NAALADL2: variants seen among roughly 807,000 people sequenced by gnomAD.
NAALADL2 encodes the protein N-acetylated alpha-linked acidic dipeptidase like 2.
NAALADL2 carries 76 observed loss-of-function variants against 87.2 expected under a neutral mutation model. The ratio of observed to expected loss-of-function variants is 0.87; its 90% confidence interval spans 0.72 to 1.05. The LOEUF is 1.05. NAALADL2 is among the 50% of genes least tolerant of loss of function. The pLI is 0.00. For missense variants in NAALADL2, 1,089 were observed against 945.8 expected (o/e 1.15, Z -1.99); for synonymous variants, 354 against 331.0 (o/e 1.07, Z -0.75).
At chr3:174,905,871 A>G (rs758060728) in intron 1 of NAALADL2, among the ~76,000 whole-genome samples, 4 of 152,106 alleles carry the variant, frequency 2.6e-5, no homozygotes, top group Admixed American at 6.6e-5. Context: ...TAAGAAATCT[A>G]TGCCCATCAC....
chr3:175,384,872 T>G (rs893903334), intron 5 of NAALADL2, among the ~76,000 whole-genome samples: 1 of 151,916 alleles, frequency 6.6e-6, no homozygotes, highest in Non-Finnish European at 1.5e-5. Context: ...TTCCAGAAAT[T>G]AAGAATAAGT....
intron 1 of NAALADL2, among the ~76,000 whole-genome samples, chr3:174,877,877 A>C (rs1272017824): frequency 6.6e-6 from 1 of 152,092 alleles, no homozygotes; most frequent in Non-Finnish European, 1.5e-5. Context: ...TAAGATAGCA[A>C]ATTCCTTACA....
intron 2 of NAALADL2, among the ~76,000 whole-genome samples, chr3:174,734,080 AT>A (rs1418330762): frequency 6.6e-6 from 1 of 152,024 alleles, no homozygotes; most frequent in Admixed American, 6.5e-5. Flanking sequence ...TCACTTTTTC[AT>A]TTTCGGTGTT....
chr3:175,244,601 A>G (rs373951375), intron 3 of NAALADL2, among the ~76,000 whole-genome samples: 1 of 152,290 alleles, frequency 6.6e-6, no homozygotes, highest in South Asian at 2.1e-4. Flanking sequence ...ATAAAAATGC[A>G]TAACTTTTTA....
intron 5 of NAALADL2, among the ~76,000 whole-genome samples, chr3:175,343,451 T>G (rs1762772240): frequency 6.6e-6 from 1 of 151,982 alleles, no homozygotes; most frequent in Admixed American, 6.6e-5. Context: ...TTAAAAAACT[T>G]TCTGAATTGT....
intron 5 of NAALADL2, among the ~76,000 whole-genome samples, chr3:175,445,096 T>C (rs139442031): frequency 6.6e-6 from 1 of 152,220 alleles, no homozygotes; most frequent in African/African-American, 2.4e-5. Context: ...CTGAAAAATA[T>C]AGCACTGCAT....
chr3:174,488,482 T>A (rs1253895828), intron 1 of NAALADL2, among the ~76,000 whole-genome samples: 1 of 152,092 alleles, frequency 6.6e-6, no homozygotes, highest in African/African-American at 2.4e-5. Context: ...TACTTCTTAG[T>A]TGTAGGCACT....
intron 3 of NAALADL2, among the ~76,000 whole-genome samples, chr3:174,814,612 T>G (rs1579044429): frequency 6.6e-6 from 1 of 152,134 alleles, no homozygotes; most frequent in African/African-American, 2.4e-5. Flanking sequence ...CATGAAATAA[T>G]TAATATCAAA....
At chr3:174,703,994 CTACTT>C (rs1729823914) in intron 2 of NAALADL2, among the ~76,000 whole-genome samples, 1 of 152,122 alleles carries the variant, frequency 6.6e-6, no homozygotes, top group Non-Finnish European at 1.5e-5. Context: ...AAAGGAGAAT[CTACTT>C]TATCTATCAG....
At chr3:174,800,901 C>G (rs1196417889) in intron 3 of NAALADL2, among the ~76,000 whole-genome samples, 1 of 152,198 alleles carries the variant, frequency 6.6e-6, no homozygotes, top group Admixed American at 6.5e-5. Flanking sequence ...TATGGACTTG[C>G]ATGGGGCTTG....
At chr3:175,358,948 A>T (rs918189314) in intron 5 of NAALADL2, among the ~76,000 whole-genome samples, 1 of 152,144 alleles carries the variant, frequency 6.6e-6, no homozygotes, top group African/African-American at 2.4e-5. Flanking sequence ...AATGGAAAGG[A>T]CTGTGAAAAT....
At chr3:175,454,718 TTTATTTGGCA>T (rs1355094644) in intron 6 of NAALADL2, among the ~76,000 whole-genome samples, 7 of 152,118 alleles carry the variant, frequency 4.6e-5, no homozygotes, top group Admixed American at 3.3e-4. Flanking sequence ...TGTTTTGTAT[TTTATTTGGCA>T]TTATAAGTTA....
At chr3:174,802,731 T>A (rs1489856460) in intron 3 of NAALADL2, among the ~76,000 whole-genome samples, 3 of 152,322 alleles carry the variant, frequency 2.0e-5, no homozygotes, top group African/African-American at 7.2e-5. Flanking sequence ...GAACATGCAG[T>A]GTTTTGTTTT....
intron 1 of NAALADL2, among the ~76,000 whole-genome samples, chr3:174,982,185 G>A (rs1408267922): frequency 1.3e-5 from 2 of 152,132 alleles, no homozygotes; most frequent in Non-Finnish European, 2.9e-5. Context: ...GCAGTTTTTA[G>A]ATAGTCTGGT....
chr3:175,755,275 T>C lies in NAALADL2; in HGVS notation c.2046T>C (p.Ser682=). 1 of 1,613,180 alleles carries C rather than the reference T, an allele frequency of 6.2e-7. No individual in the cohort carries two copies. Among genetic ancestry groups the C allele is most frequent in the Non-Finnish European group, 8.5e-7 (1 of 1,179,656 alleles). The change falls in exon 13 of 14, where the codon AGT becomes AGC. Residue 682 remains serine, a synonymous_variant. Coordinates refer to ENST00000454872, the MANE Select transcript of NAALADL2 (RefSeq NM_207015.3). ...LLAMALRLRE[S]AELFQSDEMR... ...CCATGGCGTTACGCCTGCGGGAGAG[T>C]GCTGAACTTTTTCAGTCTGATGAGA... is the stretch of plus-strand genomic sequence containing the variant.
At chr3:175,074,042 C>G (rs893525416) in intron 1 of NAALADL2, among the ~76,000 whole-genome samples, 1 of 151,950 alleles carries the variant, frequency 6.6e-6, no homozygotes, top group African/African-American at 2.4e-5. Flanking sequence ...GAAGTGAGTT[C>G]CATAAGGGTG....
In NAALADL2 at chr3:175,174,841, C is replaced by T. The variant is rs1032473919; in HGVS notation, c.546-59090C>T. 6.3e-3 allele frequency among the ~76,000 whole-genome samples: 471 copies of T among 74,962 alleles called. 3 individuals are homozygous for T. Among genetic ancestry groups the T allele is most frequent in the African/African-American group, 0.014 (435 of 30,766 alleles). 49.2% of individuals were successfully genotyped at this position (74,962 alleles called of 152,430 possible). A position where few individuals can be genotyped will look rare whatever the true frequency, so the allele number is the denominator to read the frequency against. On this transcript the variant is annotated intron_variant, in intron 2 of 13. Transcript: ENST00000454872. ...ATATGTATACACACACACATGCACA[C>T]AGACACACACACACACACACACATA...
chr3:174,818,083 G>C (rs370568327), intron 3 of NAALADL2, among the ~76,000 whole-genome samples: 7 of 152,110 alleles, frequency 4.6e-5, no homozygotes, highest in African/African-American at 1.7e-4. Context: ...TTAGTACCGG[G>C]TTGCAGGCTG....
intron 2 of NAALADL2, among the ~76,000 whole-genome samples, chr3:175,148,079 AATAATGATAATG>A (rs201357051): frequency 7.1e-6 from 1 of 140,626 alleles, no homozygotes; most frequent in Non-Finnish European, 1.5e-5. Flanking sequence ...TCAAAATAAT[AATAATGATAATG>A]ATAATAATAA....
Sources: gnomAD v4.1 joint callset for allele counts (sites outside exome capture counted in the v4.1 genomes callset) on GRCh38, gnomAD v4.1.1 for gene constraint, MANE v1.5 for transcripts, NCBI Gene and HGNC (gene_info 2026-07-23, HGNC 2026-07-21) for gene names.